The following HIVEP3 variants were observed in gnomAD, a reference collection of about 807,000 sequenced individuals.
HIVEP3 encodes HIVEP zinc finger 3, also known as transcription factor HIVEP3.
A neutral mutation model predicts 152.8 loss-of-function variants in HIVEP3; 49 were observed. The ratio of observed to expected loss-of-function variants is 0.32; its 90% CI spans 0.26 to 0.41. HIVEP3 has a LOEUF of 0.41. Ranked by LOEUF, HIVEP3 falls within the 10% of genes least tolerant of loss-of-function variation. The probability of loss-of-function intolerance (pLI) is 1.00; values close to 1 mark genes in which losing one functional copy is unlikely to be tolerated. For missense variants in HIVEP3, 2,790 were observed against 3,103.3 expected (o/e 0.90, Z 2.40); for synonymous variants, 1,269 against 1,289.0 (o/e 0.98, Z 0.33).
chr1:41,594,758 C>A (rs549024994), intron 3 of HIVEP3, among the ~76,000 whole-genome samples: 1 of 152,034 alleles, frequency 6.6e-6, no homozygotes, highest in Admixed American at 6.5e-5. Context: ...TAATTTTTCC[C>A]TTTATGACTT....
chr1:41,684,697 G>A (rs960648976), intron 2 of HIVEP3, among the ~76,000 whole-genome samples: 1 of 152,198 alleles, frequency 6.6e-6, no homozygotes, highest in Non-Finnish European at 1.5e-5. Flanking sequence ...TATCTACTTT[G>A]TAGGTTGCTT....
intron 1 of HIVEP3, among the ~76,000 whole-genome samples, chr1:42,029,716 C>T (rs1022270506): frequency 6.6e-6 from 1 of 152,194 alleles, no homozygotes; most frequent in Admixed American, 6.5e-5. Flanking sequence ...GAATGTCTAA[C>T]TTTGTAGAAA....
chr1:41,817,683 G>A (rs1464684859), intron 1 of HIVEP3, among the ~76,000 whole-genome samples: 1 of 152,202 alleles, frequency 6.6e-6, no homozygotes, highest in Non-Finnish European at 1.5e-5. Context: ...TGCTAAGGTG[G>A]ACGAGGAGAA....
At chr1:41,683,647 A>G (rs1243754932) in intron 2 of HIVEP3, among the ~76,000 whole-genome samples, 4 of 152,200 alleles carry the variant, frequency 2.6e-5, no homozygotes, top group Non-Finnish European at 4.4e-5. Flanking sequence ...GAAGCCCACA[A>G]TGGCTGTGTG....
At chr1:41,992,330 CA>C (rs1645367174) in intron 1 of HIVEP3, among the ~76,000 whole-genome samples, 1 of 150,546 alleles carries the variant, frequency 6.6e-6, no homozygotes, top group African/African-American at 2.5e-5. Context: ...GTACAAAAAT[CA>C]CAAGCATTCT....
At chr1:41,601,398 C>T (rs1339935022) in intron 3 of HIVEP3, among the ~76,000 whole-genome samples, 1 of 152,050 alleles carries the variant, frequency 6.6e-6, no homozygotes, top group Admixed American at 6.5e-5. Flanking sequence ...GGATGTCTTT[C>T]TCTTTGTTTG....
chr1:41,645,664 G>C (rs1006058211), intron 2 of HIVEP3, among the ~76,000 whole-genome samples: 2 of 152,218 alleles, frequency 1.3e-5, no homozygotes, highest in Admixed American at 1.3e-4. Flanking sequence ...ACCAGGCCCT[G>C]TTTGTCTTGT....
chr1:41,824,285 C>T (rs1431866935), intron 1 of HIVEP3, among the ~76,000 whole-genome samples: 1 of 152,176 alleles, frequency 6.6e-6, no homozygotes, highest in East Asian at 1.9e-4. Context: ...TTGTCTTTCC[C>T]CCAACTGCTT....
intron 1 of HIVEP3, among the ~76,000 whole-genome samples, chr1:41,805,999 T>C (rs1169213930): frequency 1.6e-4 from 25 of 152,150 alleles, no homozygotes; most frequent in Non-Finnish European, 2.9e-5. Flanking sequence ...TTGAGATCAG[T>C]AAGCACAGGT....
intron 7 of HIVEP3, 104 bp downstream of exon 7, chr1:41,518,298 G>C: frequency 2.1e-6 from 2 of 952,034 alleles, no homozygotes; most frequent in South Asian, 2.6e-5. Flanking sequence ...GGGGAATGGG[G>C]CAAAGCAGAC....
intron 2 of HIVEP3, among the ~76,000 whole-genome samples, chr1:41,630,480 C>G (rs1204869234): frequency 1.3e-5 from 2 of 152,132 alleles, no homozygotes; most frequent in Non-Finnish European, 2.9e-5. Flanking sequence ...GAGAGGAAGT[C>G]AGAGAGATTA....
intron 1 of HIVEP3, among the ~76,000 whole-genome samples, chr1:41,742,975 C>T (rs975924368): frequency 2.0e-5 from 3 of 152,082 alleles, no homozygotes; most frequent in Non-Finnish European, 1.5e-5. Flanking sequence ...AAATGGGGAT[C>T]GTAACAGAAC....
At chr1:41,790,248 G>C (rs1247584295) in intron 1 of HIVEP3, among the ~76,000 whole-genome samples, 1 of 152,144 alleles carries the variant, frequency 6.6e-6, no homozygotes, top group Non-Finnish European at 1.5e-5. Flanking sequence ...AGAGCTGGTT[G>C]TCAAAAGGAG....
intron 1 of HIVEP3, among the ~76,000 whole-genome samples, chr1:41,924,800 C>T (rs1644959747): frequency 6.6e-6 from 1 of 152,120 alleles, no homozygotes; most frequent in Admixed American, 6.5e-5. Context: ...GATTTTTGTT[C>T]TTCTCTTTGG....
At chr1:41,877,540 T>C (rs1644190129) in intron 1 of HIVEP3, among the ~76,000 whole-genome samples, 1 of 152,198 alleles carries the variant, frequency 6.6e-6, no homozygotes, top group South Asian at 2.1e-4. Context: ...GATTTCGTGC[T>C]CTATACCAAG....
chr1:41,555,415 G>T (rs748423600), intron 5 of HIVEP3, among the ~76,000 whole-genome samples: 2 of 152,202 alleles, frequency 1.3e-5, no homozygotes, highest in South Asian at 2.1e-4. Context: ...GCTTCCCTTG[G>T]CTAGGAAAGG....
chr1:41,713,857 G>A (rs1272439289), intron 1 of HIVEP3, among the ~76,000 whole-genome samples: 1 of 152,264 alleles, frequency 6.6e-6, no homozygotes, highest in African/African-American at 2.4e-5. Flanking sequence ...GCCTGGGGGA[G>A]GGGCTGGAGA....
chr1:41,625,031 C>T (rs770308044), intron 3 of HIVEP3, among the ~76,000 whole-genome samples: 4 of 152,018 alleles, frequency 2.6e-5, no homozygotes, highest in East Asian at 1.9e-4. Flanking sequence ...GGTGTGGTGG[C>T]ATGCGCCTGT....
intron 5 of HIVEP3, among the ~76,000 whole-genome samples, chr1:41,546,734 T>A (rs1323692287): frequency 6.6e-6 from 1 of 152,244 alleles, no homozygotes; most frequent in Non-Finnish European, 1.5e-5. Flanking sequence ...CATGCCTCCC[T>A]GCATCAGGCC....
Sources: gnomAD v4.1 joint callset for allele counts (sites outside exome capture counted in the v4.1 genomes callset) on GRCh38, gnomAD v4.1.1 for gene constraint, MANE v1.5 for transcripts, NCBI Gene and HGNC (gene_info 2026-07-23, HGNC 2026-07-21) for gene names.